Variants in ERBB4 observed in about 807,000 individuals in gnomAD.
ERBB4 encodes receptor tyrosine-protein kinase erbB-4.
ERBB4 carries 42 observed loss-of-function variants against 158.0 expected under a neutral mutation model. The observed-to-expected ratio is 0.27, with a 90% CI of 0.21 to 0.34. ERBB4 has a LOEUF of 0.34. ERBB4 is among the 10% of genes least tolerant of loss of function. The pLI, the probability that ERBB4 is intolerant of heterozygous loss-of-function variation, is 1.00. For synonymous variants in ERBB4, 583 were observed against 558.7 expected (o/e 1.04, Z -0.61); for missense variants, 1,333 against 1,624.1 (o/e 0.82, Z 3.08).
chr2:212,480,322 T>C lies in ERBB4; in HGVS notation c.82+58127A>G, dbSNP rs935353807. ...AACAGTATGTAAAAAGCTTGGCACA[T>C]TGAAAAAACCAAAAAGAGGCCAGTG... On this transcript the variant is annotated intron_variant, in intron 1 of 27. Coordinates refer to ENST00000342788, the MANE Select transcript of ERBB4 (RefSeq NM_005235.3). Among the ~76,000 whole-genome samples the C allele has an allele frequency of 2.0e-5, 3 of 152,166 alleles. No individual in the cohort carries two copies. The South Asian group carries it at 6.2e-4, about 32-fold the overall frequency.
In ERBB4 at chr2:211,944,938, C is replaced by T. The variant is rs552212976; in HGVS notation, c.421+2492G>A. On this transcript the variant is annotated intron_variant, in intron 3 of 27. Coordinates refer to ENST00000342788, the MANE Select transcript of ERBB4 (RefSeq NM_005235.3). ...GGTATCCGACTAATCAGCAGATTTG[C>T]TGTCTCCCCTCATTTTATACCAGGT... Among the ~76,000 whole-genome samples, 4 of 152,216 alleles carry T rather than the reference C, an allele frequency of 2.6e-5. No individual in the cohort carries two copies. In the East Asian group the frequency reaches 7.7e-4, roughly 29 times the overall value.
intron 5 of ERBB4, among the ~76,000 whole-genome samples, chr2:211,737,103 C>T (rs2074626078): frequency 6.6e-6 from 1 of 152,080 alleles, no homozygotes; most frequent in African/African-American, 2.4e-5. Flanking sequence ...TACAGATATG[C>T]AGAATTAAAA....
At chr2:211,567,662 T>C (rs1456771756) in intron 19 of ERBB4, among the ~76,000 whole-genome samples, 1 of 152,074 alleles carries the variant, frequency 6.6e-6, no homozygotes, top group Admixed American at 6.6e-5. Flanking sequence ...AAAAGCTGGG[T>C]TTCTATTAAG....
intron 2 of ERBB4, among the ~76,000 whole-genome samples, chr2:212,054,881 G>A (rs2077506399): frequency 6.6e-6 from 1 of 152,210 alleles, no homozygotes; most frequent in South Asian, 2.1e-4. Context: ...GAGCAATGCA[G>A]AAGATGGGTG....
chr2:212,257,873 A>T (rs185673043), intron 1 of ERBB4, among the ~76,000 whole-genome samples: 89 of 148,922 alleles, frequency 6.0e-4, no homozygotes, highest in Non-Finnish European at 6.0e-4. Context: ...AGCATGGTCT[A>T]ATGGTTAAGT....
intron 20 of ERBB4, among the ~76,000 whole-genome samples, chr2:211,543,580 T>C (rs1164674344): frequency 6.6e-6 from 1 of 151,932 alleles, no homozygotes; most frequent in African/African-American, 2.4e-5. Flanking sequence ...TACTTGACTT[T>C]TGTGGCATTT....
In ERBB4 at chr2:211,702,080, T is replaced by C. The variant is rs949099086; in HGVS notation, c.1376A>G (p.Tyr459Cys). ...ACACAGGTTGCTGTTGTCAGTAATA[T>C]AGATGTTTCCTGCGCTGATTTCCTT... ...SLKEISAGNI[Y>C]ITDNSNLCYY... Residue 459 changes from tyrosine (Y) to cysteine (C), a missense_variant, in exon 12 of 28, where the codon TAT (tyrosine) becomes TGT (cysteine). Transcript: ENST00000342788. 6.2e-7 allele frequency: 1 copy of C among 1,613,896 alleles called. No individual in the cohort carries two copies. Among genetic ancestry groups the C allele is most frequent in the Non-Finnish European group, 8.5e-7 (1 of 1,179,776 alleles).
At chr2:212,191,025 C>T (rs1213889418) in intron 1 of ERBB4, among the ~76,000 whole-genome samples, 1 of 151,768 alleles carries the variant, frequency 6.6e-6, no homozygotes, top group Non-Finnish European at 1.5e-5. Context: ...TCAACACAGC[C>T]CTAAGGGCAT....
At chr2:212,485,541 A>G (rs531646083) in intron 1 of ERBB4, among the ~76,000 whole-genome samples, 1 of 152,234 alleles carries the variant, frequency 6.6e-6, no homozygotes, top group African/African-American at 2.4e-5. Flanking sequence ...GTAAGTGAAG[A>G]CAGCAGGGGA....
intron 1 of ERBB4, among the ~76,000 whole-genome samples, chr2:212,400,147 G>A (rs1359982920): frequency 6.6e-6 from 1 of 152,152 alleles, no homozygotes; most frequent in Non-Finnish European, 1.5e-5. Context: ...GTCTGTGCCA[G>A]AGTTTGGACT....
chr2:212,472,301 C>T (rs1160207358), intron 1 of ERBB4, among the ~76,000 whole-genome samples: 2 of 151,702 alleles, frequency 1.3e-5, no homozygotes, highest in African/African-American at 4.8e-5. Flanking sequence ...AACCTTTTAC[C>T]ATAGACGTTA....
intron 16 of ERBB4, among the ~76,000 whole-genome samples, chr2:211,650,072 A>G (rs1220053041): frequency 6.6e-6 from 1 of 152,012 alleles, no homozygotes; most frequent in Admixed American, 6.6e-5. Flanking sequence ...ATTTTATGTA[A>G]CCACATCACA....
chr2:211,998,398 A>T (rs2076020588), intron 2 of ERBB4, among the ~76,000 whole-genome samples: 1 of 151,786 alleles, frequency 6.6e-6, no homozygotes, highest in Non-Finnish European at 1.5e-5. Flanking sequence ...ACATTATCTT[A>T]CTTGGTCCTT....
chr2:211,897,998 A>G (rs999402116), intron 3 of ERBB4, among the ~76,000 whole-genome samples: 33 of 152,118 alleles, frequency 2.2e-4, no homozygotes, highest in Admixed American at 1.8e-3. Context: ...TCCTGAGTTC[A>G]AGGGATCCTC....
At chr2:212,260,091 G>C (rs1448045120) in intron 1 of ERBB4, among the ~76,000 whole-genome samples, 1 of 149,750 alleles carries the variant, frequency 6.7e-6, no homozygotes, top group East Asian at 1.9e-4. Context: ...AAAAAGAAAA[G>C]AAAAGAAATG....
intron 2 of ERBB4, among the ~76,000 whole-genome samples, chr2:212,114,925 G>A (rs183986201): frequency 7.9e-4 from 120 of 152,204 alleles, no homozygotes; most frequent in Non-Finnish European, 1.4e-3. Flanking sequence ...ATAGGGTTAG[G>A]TACAGCCAAC....
At chr2:211,905,907 CA>C (rs925934205) in intron 3 of ERBB4, among the ~76,000 whole-genome samples, 1 of 150,732 alleles carries the variant, frequency 6.6e-6, no homozygotes, top group Non-Finnish European at 1.5e-5. Context: ...TCAAAGGCAC[CA>C]AAGAGGTAGG....
At chr2:211,592,099 G>A (rs2068486626) in intron 19 of ERBB4, among the ~76,000 whole-genome samples, 1 of 152,178 alleles carries the variant, frequency 6.6e-6, no homozygotes, top group Admixed American at 6.5e-5. Context: ...CGGCAAAAAA[G>A]TTAAAAGGAT....
rs554650219 is a variant in ERBB4, at chr2:211,737,578, C to A, written c.623-12384G>T. 2.8e-4 allele frequency among the ~76,000 whole-genome samples: 43 copies of A among 152,246 alleles called. No individual in the cohort carries two copies. The South Asian group carries it at 8.9e-3, about 32-fold the overall frequency. Reference sequence around the variant, plus strand: ...TACATAATAGCTAATTTTCACTTTACGTAATAGCTGTGCCAGATTAGACAC... The same window carrying A: ...TACATAATAGCTAATTTTCACTTTAAGTAATAGCTGTGCCAGATTAGACAC... On this transcript the variant is annotated intron_variant, in intron 5 of 27. Coordinates refer to ENST00000342788, the MANE Select transcript of ERBB4 (RefSeq NM_005235.3).
Sources: allele counts gnomAD v4.1 joint callset (sites outside exome capture counted in the v4.1 genomes callset), GRCh38; gene constraint gnomAD v4.1.1; transcripts MANE v1.5; gene names NCBI Gene and HGNC (gene_info 2026-07-23, HGNC 2026-07-21).